IFT140: variants seen among roughly 807,000 people sequenced by gnomAD.
The protein encoded by IFT140 is intraflagellar transport protein 140 homolog.
In IFT140, 133 loss-of-function variants were observed where a neutral mutation model predicts 164.6. That is an observed-to-expected ratio of 0.81 (90% CI 0.70 to 0.93). IFT140 has a LOEUF of 0.93. Among genes scored for constraint, IFT140 ranks in the 40% least tolerant of loss-of-function variants. The probability of loss-of-function intolerance (pLI) is 0.00; values close to 1 mark genes in which losing one functional copy is unlikely to be tolerated. For missense variants in IFT140, 2,045 were observed against 1,972.3 expected, an observed-to-expected ratio of 1.04 and a Z score of -0.70; for synonymous variants, 860 against 817.3, an observed-to-expected ratio of 1.05 and a Z score of -0.89.
chr16:1,571,562 T>C lies in IFT140; in HGVS notation c.1525-28A>G, dbSNP rs780014688. On this transcript the variant is annotated intron_variant, in intron 13 of 30. Coordinates refer to ENST00000426508, the MANE Select transcript of IFT140 (RefSeq NM_014714.4). ...GAGGAAAAGGAACAAGAAATGGATATATTTCATGTTAGTTACTGAACATTG... is the reference window on the plus strand; with the variant it reads ...GAGGAAAAGGAACAAGAAATGGATACATTTCATGTTAGTTACTGAACATTG... 1.2e-5 allele frequency: 19 copies of C among 1,597,776 alleles called. No individual in the cohort carries two copies. In the South Asian group the frequency reaches 2.0e-4, roughly 17 times the overall value.
chr16:1,591,822 G>C (rs1166448826), intron 6 of IFT140, among the ~76,000 whole-genome samples: 2 of 152,180 alleles, frequency 1.3e-5, no homozygotes, highest in Non-Finnish European at 2.9e-5. Context: ...ATAGGTGCTT[G>C]ATAATTACAC....
chr16:1,540,673 G>A lies in IFT140; in HGVS notation c.2400-13877C>T, dbSNP rs1421928183. 21 of 231,960 alleles carry A rather than the reference G, an allele frequency of 9.1e-5. 1 individual carries two copies. In the Admixed American group the frequency reaches 1.2e-3, roughly 14 times the overall value. The allele number at this position is 231,960 out of a possible 1,614,324, so 14.4% of individuals were successfully genotyped here. A position where few individuals can be genotyped will look rare whatever the true frequency, so the allele number is the denominator to read the frequency against. On this transcript the variant is annotated intron_variant, in intron 19 of 30. Coordinates refer to ENST00000426508, the MANE Select transcript of IFT140 (RefSeq NM_014714.4). ...TGGTGTCTGTGATGGATGCGGGCGC[G>A]GGGACCCGCTCCTGAGTGGTGAGGC... is the stretch of plus-strand genomic sequence containing the variant.
intron 12 of IFT140, 80 bp from the exon 13 acceptor site, chr16:1,580,930 C>T (rs1432170431): frequency 4.8e-5 from 43 of 902,582 alleles, no homozygotes; most frequent in Non-Finnish European, 6.2e-5. Flanking sequence ...TTCCCACACA[C>T]GATCCCTAAT....
Position 1,520,883 on chromosome 16 carries a change from T to C in IFT140, c.3454-75A>G, listed in dbSNP as rs915232318. 4.3e-6 allele frequency: 6 copies of C among 1,402,634 alleles called. No homozygotes were observed. The Admixed American group carries it at 7.8e-5, about 18-fold the overall frequency. 86.9% of individuals were successfully genotyped at this position (1,402,634 alleles called of 1,614,324 possible). A position where few individuals can be genotyped will look rare whatever the true frequency, so the allele number is the denominator to read the frequency against. On this transcript the variant is annotated intron_variant, in intron 26 of 30. Coordinates refer to ENST00000426508, the MANE Select transcript of IFT140 (RefSeq NM_014714.4). ...AAGTGCGCCCCTCATCTGCCACCGCTTCAGAGGAAACCAGGCCCCTCGGCT... is the reference window on the plus strand; with the variant it reads ...AAGTGCGCCCCTCATCTGCCACCGCCTCAGAGGAAACCAGGCCCCTCGGCT...
chr16:1,564,102 G>A lies in IFT140; in HGVS notation c.1962C>T (p.Asp654=), dbSNP rs760174027. The change falls in exon 17 of 31, where the codon GAC becomes GAT. Residue 654 remains aspartate (D), a synonymous_variant. Transcript: ENST00000426508. The surrounding 1 kb of genome is among the most constrained non-coding windows in gnomAD (Gnocchi z 5.5). ...KNYVPVNHFW[D]QSEPRLFVCE... ...ATACAAACAGCCGGGGCTCACTCTG[G>A]TCCCAGAAGTGGTTCACGGGAACAT... 2.5e-6 allele frequency: 4 copies of A among 1,599,808 alleles called. No homozygotes were observed. The highest frequency in any genetic ancestry group is 3.4e-6 in the Non-Finnish European group (4 of 1,169,028).
chr16:1,600,850 A>C (rs934408986), intron 4 of IFT140, among the ~76,000 whole-genome samples: 1 of 152,144 alleles, frequency 6.6e-6, no homozygotes, highest in African/African-American at 2.4e-5. Context: ...GAGTCTATAA[A>C]ACAACCAGTC....
intron 19 of IFT140, among the ~76,000 whole-genome samples, chr16:1,538,514 C>G (rs576989446): frequency 1.9e-4 from 29 of 152,290 alleles, no homozygotes; most frequent in Admixed American, 7.2e-4. Flanking sequence ...CCCTCCTCCC[C>G]CTTCATTCTG....
intron 19 of IFT140, chr16:1,541,480 C>G (rs910007270): frequency 5.1e-6 from 5 of 985,296 alleles, no homozygotes; most frequent in East Asian, 1.1e-4. Flanking sequence ...GCTGGCCCCC[C>G]GCGGAGTCTC....
At chr16:1,606,159 AAT>A (rs2036050064) in intron 3 of IFT140, among the ~76,000 whole-genome samples, 1 of 152,212 alleles carries the variant, frequency 6.6e-6, no homozygotes, top group Non-Finnish European at 1.5e-5. Context: ...GAGCTGCCAG[AAT>A]ACCTTCCTGT....
intron 13 of IFT140, chr16:1,579,578 C>A (rs2034448153): frequency 6.6e-6 from 1 of 152,182 alleles, no homozygotes; most frequent in Non-Finnish European, 1.5e-5. Flanking sequence ...TTTGTTAGGG[C>A]AGCCACAGGA....
Position 1,523,677 on chromosome 16 carries a change from C to T in IFT140, c.3294G>A (p.Leu1098=). The change falls in exon 26 of 31, where the codon CTG becomes CTA. Residue 1098 remains leucine (L), a synonymous_variant. Transcript: ENST00000426508. ...ACTGCTGGGTGGCAAAGGCCAGCTC[C>T]AGGGCCTTGGAGAAGTGGCCAGCCT... is the stretch of plus-strand genomic sequence containing the variant. ...YHKAGHFSKA[L]ELAFATQQFV... The T allele has an allele frequency of 6.2e-7, 1 of 1,613,814 alleles. No individual in the cohort carries two copies. Among genetic ancestry groups the T allele is most frequent in the Non-Finnish European group, 8.5e-7 (1 of 1,179,978 alleles).
chr16:1,566,531 A>G (rs1596376862), intron 15 of IFT140, among the ~76,000 whole-genome samples: 2 of 152,144 alleles, frequency 1.3e-5, no homozygotes, highest in African/African-American at 2.4e-5. Context: ...GTGCGATCTT[A>G]GCTCACTGCA....
intron 19 of IFT140, among the ~76,000 whole-genome samples, chr16:1,547,342 G>A (rs924828538): frequency 8.5e-5 from 13 of 152,146 alleles, no homozygotes; most frequent in African/African-American, 3.1e-4. Context: ...ATTCTGAACT[G>A]CCTTCAAAAT....
intron 3 of IFT140, among the ~76,000 whole-genome samples, chr16:1,606,276 A>T (rs2036056269): frequency 1.3e-5 from 2 of 152,268 alleles, no homozygotes; most frequent in Admixed American, 1.3e-4. Flanking sequence ...ATCCACAAAC[A>T]GCACTGTGGG....
chr16:1,553,219 T>C lies in IFT140; in HGVS notation c.2399+4716A>G. On this transcript the variant is annotated intron_variant, in intron 19 of 30. Transcript: ENST00000426508. The surrounding 1 kb of genome is among the most constrained non-coding windows in gnomAD (Gnocchi z 4.4). The stretch of plus-strand genomic sequence containing the variant: ...CTGTGTCTCTGTCTCTGTCTCTCTC[T>C]GTCTCCATCTGTCTCTGTGTCTGTC... 1 of 979,538 alleles carries C rather than the reference T, an allele frequency of 1.0e-6. No individual in the cohort carries two copies. The allele number at this position is 979,538 out of a possible 1,614,324, so 60.7% of individuals were successfully genotyped here.
chr16:1,524,995 C>A, intron 22 of IFT140, 79 bp from the exon 23 acceptor site: 1 of 1,542,384 alleles, frequency 6.5e-7, no homozygotes, highest in African/African-American at 1.3e-5. Context: ...GCCCCTGTGC[C>A]ACCCTTAGAG....
intron 3 of IFT140, among the ~76,000 whole-genome samples, 185 bp from the exon 4 acceptor site, chr16:1,602,776 C>T (rs2035862936): frequency 6.6e-6 from 1 of 152,132 alleles, no homozygotes; most frequent in Admixed American, 6.6e-5. Context: ...TCCGTCTCTA[C>T]TAAAAATACA....
intron 29 of IFT140, among the ~76,000 whole-genome samples, chr16:1,519,457 C>T (rs2040455482): frequency 6.6e-6 from 1 of 152,152 alleles, no homozygotes; most frequent in Admixed American, 6.5e-5. Flanking sequence ...CTCCTCTCCA[C>T]AAGCTTGGAG....
intron 15 of IFT140, 52 bp from the exon 16 acceptor site, chr16:1,566,343 T>C (rs1325958289): frequency 1.2e-6 from 2 of 1,601,214 alleles, no homozygotes; most frequent in Non-Finnish European, 1.7e-6. Context: ...GACCAGCGGG[T>C]TGGTGGGCTG....
Sources: allele counts gnomAD v4.1 joint callset (sites outside exome capture counted in the v4.1 genomes callset), GRCh38; gene constraint gnomAD v4.1.1; non-coding constraint Gnocchi (gnomAD v3.1); transcripts MANE v1.5; gene names NCBI Gene and HGNC (gene_info 2026-07-23, HGNC 2026-07-21).